The following TTC24 variants were observed in gnomAD, a reference collection of about 807,000 sequenced individuals.
The protein encoded by TTC24 is tetratricopeptide repeat domain 24, also known as tetratricopeptide repeat protein 24.
Under a neutral mutation model 63.3 loss-of-function variants are expected in TTC24, and 54 were observed. The ratio of observed to expected loss-of-function variants is 0.85; its 90% CI spans 0.69 to 1.07. TTC24 has a LOEUF of 1.07. TTC24 is among the 50% of genes least tolerant of loss of function. The pLI, the probability that TTC24 is intolerant of heterozygous loss-of-function variation, is 0.00. For synonymous variants in TTC24, 276 were observed against 304.3 expected (o/e 0.91, Z 0.97); for missense variants, 680 against 730.5 (o/e 0.93, Z 0.80).
rs1340193137 is a variant in TTC24 at position 156,587,535 on chromosome 1, C to T, written c.*985C>T. Among the ~76,000 whole-genome samples, 4 of 152,142 alleles carry T rather than the reference C, an allele frequency of 2.6e-5. No homozygotes were observed. The highest frequency in any genetic ancestry group is 4.4e-5 in the Non-Finnish European group (3 of 68,034). On this transcript the variant is annotated 3_prime_UTR_variant, in exon 11 of 11. Coordinates refer to ENST00000368236, the MANE Select transcript of TTC24 (RefSeq NM_001105669.4). ...TTGTAATTCATAATGTAATTAAATA[C>T]TATACACATTGATGAACAGGCCAGG...
Position 156,586,705 on chromosome 1 carries a change from G to A in TTC24, c.*155G>A, listed in dbSNP as rs1677185589. Reference sequence around the variant, plus strand: ...TGGACTCCTGAGGAGGCTGGCCAAGGGCTTTGCAGGCTCGGCCCTGAGAGG... The same window carrying A: ...TGGACTCCTGAGGAGGCTGGCCAAGAGCTTTGCAGGCTCGGCCCTGAGAGG... On this transcript the variant is annotated 3_prime_UTR_variant, in exon 11 of 11. Coordinates refer to ENST00000368236, the MANE Select transcript of TTC24 (RefSeq NM_001105669.4). The A allele has an allele frequency of 3.4e-6, 2 of 590,744 alleles. No homozygotes were observed. Among genetic ancestry groups the A allele is most frequent in the East Asian group, 2.9e-5 (1 of 35,032 alleles). The allele number at this position is 590,744 out of a possible 1,614,324, so 36.6% of individuals were successfully genotyped here.
At position 156,581,493 on chromosome 1, in the gene TTC24, C is replaced by T. The variant is rs1366795071; in HGVS notation, c.129C>T (p.Gly43=). ...EASIQALTRA[G]HGALQAGQNH... ...GCATCCAAGCCCTCACCAGGGCTGG[C>T]CATGGGGCCCTTCAGGCTGGCCAGA... The change falls in exon 2 of 11, where the codon GGC becomes GGT. Residue 43 remains glycine (G), a synonymous_variant. Transcript: ENST00000368236. The T allele has an allele frequency of 6.4e-7, 1 of 1,551,426 alleles. No homozygotes were observed. Among genetic ancestry groups the T allele is most frequent in the East Asian group, 2.4e-5 (1 of 40,900 alleles).
Position 156,584,962 on chromosome 1 carries a change from G to T in TTC24, c.1337G>T (p.Gly446Val). 1 of 1,599,194 alleles carries T rather than the reference G, an allele frequency of 6.3e-7. No individual in the cohort carries two copies. The highest frequency in any genetic ancestry group is 1.3e-5 in the African/African-American group (1 of 74,734). ...TPAKAGSSTA[G>V]VQHRSSSGWE... The stretch of plus-strand genomic sequence containing the variant: ...GCAAAGGCAGGAAGCAGCACAGCAG[G>T]TGTCCAGCACAGGTGAGGGTGGGAA... The change falls in exon 7 of 11, where the codon GGT (glycine) becomes GTT (valine). Residue 446 changes from glycine to valine, a missense_variant. Coordinates refer to ENST00000368236, the MANE Select transcript of TTC24 (RefSeq NM_001105669.4).
Position 156,583,091 on chromosome 1 carries a change from C to T in TTC24, c.960C>T (p.Ala320=). Reference sequence around the variant, plus strand: ...AGGGCCGGAGCTTTGGCAGCCTGGCCTTTGCATTGAGCCAGCTGGGGGACC... The same window carrying T: ...AGGGCCGGAGCTTTGGCAGCCTGGCTTTTGCATTGAGCCAGCTGGGGGACC... The part of the protein sequence containing the change: ...WEQGRSFGSL[A]FALSQLGDHK... Residue 320 remains alanine, a synonymous_variant, in exon 4 of 11, where the codon GCC becomes GCT. Transcript: ENST00000368236. The surrounding 1 kb of genome is among the most constrained non-coding windows in gnomAD (Gnocchi z 4.0). The T allele has an allele frequency of 6.2e-7, 1 of 1,613,762 alleles. No homozygotes were observed. Among genetic ancestry groups the T allele is most frequent in the Non-Finnish European group, 8.5e-7 (1 of 1,179,832 alleles).
chr1:156,583,832 C>T lies in TTC24; in HGVS notation c.1188C>T (p.Ala396=), dbSNP rs371928977. ...EPDSVRERLV[A]KLADTVRTRL... is the part of the protein sequence containing the mutation. ...ATTCTGTGCGAGAACGGCTGGTGGC[C>T]AAGCTGGCAGACACCGTGAGGACGC... Residue 396 remains alanine, a synonymous_variant, in exon 6 of 11, where the codon GCC becomes GCT. Coordinates refer to ENST00000368236, the MANE Select transcript of TTC24 (RefSeq NM_001105669.4). This position sits in a 1 kb window ranked among gnomAD's most constrained non-coding sequence, Gnocchi z 4.0. 12 of 1,582,572 alleles carry T rather than the reference C, an allele frequency of 7.6e-6. No individual in the cohort carries two copies. Among genetic ancestry groups the T allele is most frequent in the Admixed American group, 3.7e-5 (2 of 54,532 alleles).
chr1:156,582,538 T>A lies in TTC24; in HGVS notation c.910+104T>A. On this transcript the variant is annotated intron_variant, in intron 3 of 10. Coordinates refer to ENST00000368236, the MANE Select transcript of TTC24 (RefSeq NM_001105669.4). ...GTGGATGGCCCTTTGGGACCACTTA[T>A]GGAGCCTGAAAATCCAGAACCAGTG... 4 of 1,023,892 alleles carry A rather than the reference T, an allele frequency of 3.9e-6. 1 individual carries two copies. In the East Asian group the frequency reaches 1.0e-4, roughly 26 times the overall value. 63.4% of individuals were successfully genotyped at this position (1,023,892 alleles called of 1,614,324 possible). A position where few individuals can be genotyped will look rare whatever the true frequency, so the allele number is the denominator to read the frequency against.
At chr1:156,585,621 A>C (rs1015763298) in intron 8 of TTC24, 92 bp from the exon 9 acceptor site, 3 of 919,096 alleles carry the variant, frequency 3.3e-6, no homozygotes, top group African/African-American at 3.2e-5. Context: ...CTCACTACTC[A>C]ATAGCATCTC....
At chr1:156,580,773 G>A (rs371541143) in intron 1 of TTC24, among the ~76,000 whole-genome samples, 17 of 152,116 alleles carry the variant, frequency 1.1e-4, no homozygotes, top group Non-Finnish European at 2.1e-4. Context: ...ATCGCACCTG[G>A]CCTATTTGTT....
intron 2 of TTC24, 33 bp from the exon 3 acceptor site, chr1:156,582,198 C>T (rs1234388473): frequency 2.6e-6 from 4 of 1,527,306 alleles, no homozygotes; most frequent in South Asian, 1.2e-5. Context: ...TATATCTGGT[C>T]TGGCTACCAG....
intron 1 of TTC24, among the ~76,000 whole-genome samples, chr1:156,580,693 GTC>G (rs982066885): frequency 2.6e-5 from 4 of 152,110 alleles, no homozygotes; most frequent in African/African-American, 9.7e-5. Flanking sequence ...GGCCAGGCTG[GTC>G]TCTATCTCTT....
chr1:156,586,183 C>T lies in TTC24; in HGVS notation c.1667+138C>T, dbSNP rs1324323267. Reference sequence around the variant, plus strand: ...ATCTCATGCTTGGGATATAGGGCCCCGAGCCCCACTTTGTCTTTGCCCTTT... The same window carrying T: ...ATCTCATGCTTGGGATATAGGGCCCTGAGCCCCACTTTGTCTTTGCCCTTT... On this transcript the variant is annotated intron_variant, in intron 10 of 10. Coordinates refer to ENST00000368236, the MANE Select transcript of TTC24 (RefSeq NM_001105669.4). 3.3e-5 allele frequency: 24 copies of T among 722,846 alleles called. No individual in the cohort carries two copies. The South Asian group carries it at 3.5e-4, about 11-fold the overall frequency. The allele number at this position is 722,846 out of a possible 1,614,324, so 44.8% of individuals were successfully genotyped here.
In TTC24 at chr1:156,584,986, A is replaced by C; in HGVS notation, c.1349+12A>C. Reference sequence around the variant, plus strand: ...GGTGTCCAGCACAGGTGAGGGTGGGAATGGTGCAGCAGAGATGCATGCGCC... The same window carrying C: ...GGTGTCCAGCACAGGTGAGGGTGGGCATGGTGCAGCAGAGATGCATGCGCC... On this transcript the variant is annotated intron_variant, in intron 7 of 10. Coordinates refer to ENST00000368236, the MANE Select transcript of TTC24 (RefSeq NM_001105669.4). The C allele has an allele frequency of 6.3e-7, 1 of 1,582,586 alleles. No individual in the cohort carries two copies. Among genetic ancestry groups the C allele is most frequent in the Non-Finnish European group, 8.6e-7 (1 of 1,164,164 alleles).
At chr1:156,585,508 A>T in intron 8 of TTC24, 1 of 608,960 alleles carries the variant, frequency 1.6e-6, no homozygotes, top group Non-Finnish European at 2.9e-6. Context: ...TCCTGCTCTC[A>T]TGGCTTTCCT....
chr1:156,587,199 C>G lies in TTC24; in HGVS notation c.*649C>G, dbSNP rs971108534. On this transcript the variant is annotated 3_prime_UTR_variant, in exon 11 of 11. Transcript: ENST00000368236. ...TTCTAGGTGCTTAGCTCATGCCCCACCCTATTCTAGGTGCTTAGCTCATGC... is the reference window on the plus strand; with the variant it reads ...TTCTAGGTGCTTAGCTCATGCCCCAGCCTATTCTAGGTGCTTAGCTCATGC... Among the ~76,000 whole-genome samples the G allele has an allele frequency of 6.6e-6, 1 of 151,678 alleles. No homozygotes were observed. Among genetic ancestry groups the G allele is most frequent in the Non-Finnish European group, 1.5e-5 (1 of 67,906 alleles).
At chr1:156,585,289 C>A in intron 8 of TTC24, 58 bp downstream of exon 8, 1 of 1,358,620 alleles carries the variant, frequency 7.4e-7, no homozygotes, top group Non-Finnish European at 1.0e-6. Flanking sequence ...TATGGCACTC[C>A]CACCCCCACC....
chr1:156,580,807 G>T (rs1384387807), intron 1 of TTC24, among the ~76,000 whole-genome samples: 1 of 152,076 alleles, frequency 6.6e-6, no homozygotes, highest in African/African-American at 2.4e-5. Context: ...CTCGTATGGT[G>T]GTAACATATA....
chr1:156,585,039 G>A, intron 7 of TTC24, 65 bp downstream of exon 7: 3 of 1,533,328 alleles, frequency 2.0e-6, no homozygotes, highest in Non-Finnish European at 2.7e-6. Flanking sequence ...GGCTGTCGCA[G>A]TGGGGTAGGA....
rs773085438 is a variant in TTC24 at position 156,583,492 on chromosome 1, C to T, written c.1152+42C>T. ...CGGAATCCACCTCTCCCCTGCTATC[C>T]CTCTTCTGGCTGACATTCCTGCCTT... On this transcript the variant is annotated intron_variant, in intron 5 of 10. Transcript: ENST00000368236. This position sits in a 1 kb window ranked among gnomAD's most constrained non-coding sequence, Gnocchi z 4.0. 19 of 1,476,732 alleles carry T rather than the reference C, an allele frequency of 1.3e-5. No homozygotes were observed. Among genetic ancestry groups the T allele is most frequent in the Non-Finnish European group, 1.7e-5 (19 of 1,093,868 alleles). 91.5% of individuals were successfully genotyped at this position (1,476,732 alleles called of 1,614,324 possible). A position where few individuals can be genotyped will look rare whatever the true frequency, so the allele number is the denominator to read the frequency against.
Position 156,583,184 on chromosome 1 carries a change from G to T in TTC24, c.1039+14G>T, listed in dbSNP as rs1235714132. On this transcript the variant is annotated intron_variant, in intron 4 of 10. Coordinates refer to ENST00000368236, the MANE Select transcript of TTC24 (RefSeq NM_001105669.4). The surrounding 1 kb of genome is among the most constrained non-coding windows in gnomAD (Gnocchi z 4.0). ...CCCGGGACTCTGGTAAGCGTGAGAG[G>T]GTTGGGATGTGACTGGGACAGTGGG... 1 of 1,611,234 alleles carries T rather than the reference G, an allele frequency of 6.2e-7. No individual in the cohort carries two copies. The highest frequency in any genetic ancestry group is 8.5e-7 in the Non-Finnish European group (1 of 1,178,466).
Sources: gnomAD v4.1 joint callset for allele counts (sites outside exome capture counted in the v4.1 genomes callset) on GRCh38, gnomAD v4.1.1 for gene constraint, Gnocchi (gnomAD v3.1) non-coding constraint, MANE v1.5 for transcripts, NCBI Gene and HGNC (gene_info 2026-07-23, HGNC 2026-07-21) for gene names.